Variants in TBCK observed in about 807,000 individuals in gnomAD.
TBCK encodes the protein TBC1 domain containing kinase.
A neutral mutation model predicts 113.4 loss-of-function variants in TBCK; 99 were observed. The ratio of observed to expected loss-of-function variants is 0.87; its 90% CI spans 0.74 to 1.03. The LOEUF (loss-of-function observed/expected upper bound fraction) is 1.03, where lower values mean the gene tolerates loss of function less well. TBCK is among the 50% of genes least tolerant of loss of function. The pLI is 0.00. For synonymous variants in TBCK, 369 were observed against 370.8 expected (o/e 1.00, Z 0.05); for missense variants, 1,045 against 1,061.3 (o/e 0.98, Z 0.21).
chr4:106,306,720 T>C (rs1245943718), intron 2 of TBCK, among the ~76,000 whole-genome samples: 2 of 152,156 alleles, frequency 1.3e-5, no homozygotes, highest in Non-Finnish European at 2.9e-5. Flanking sequence ...TACTTTTGCT[T>C]CAAAGCTAGG....
At chr4:106,077,291 G>A (rs10030019) in intron 25 of TBCK, among the ~76,000 whole-genome samples, 48,771 of 152,012 alleles carry the variant, frequency 0.32, 8,024 homozygotes, top group African/African-American at 0.37. Context: ...AGCTAAAAGC[G>A]TGATGATAAG....
At chr4:106,279,361 G>T (rs1202110626) in intron 3 of TBCK, among the ~76,000 whole-genome samples, 1 of 151,978 alleles carries the variant, frequency 6.6e-6, no homozygotes, top group African/African-American at 2.4e-5. Context: ...TGTGGTACAT[G>T]ATATATTCTG....
intron 24 of TBCK, among the ~76,000 whole-genome samples, chr4:106,113,651 C>A (rs955715637): frequency 6.6e-6 from 1 of 152,118 alleles, no homozygotes. Flanking sequence ...GACCTACAGC[C>A]CCAGAAAATG....
intron 23 of TBCK, among the ~76,000 whole-genome samples, chr4:106,131,944 G>A (rs180783267): frequency 1.8e-4 from 27 of 152,332 alleles, no homozygotes; most frequent in Non-Finnish European, 2.4e-4. Context: ...CTGCACTAGA[G>A]ATCTGTGGAA....
intron 23 of TBCK, among the ~76,000 whole-genome samples, chr4:106,120,995 G>A (rs1256510633): frequency 6.6e-6 from 1 of 152,102 alleles, no homozygotes; most frequent in Non-Finnish European, 1.5e-5. Flanking sequence ...AGAGAAGAAG[G>A]CTTCAGACGA....
At chr4:106,154,677 T>C (rs1423638903) in intron 23 of TBCK, among the ~76,000 whole-genome samples, 2 of 152,314 alleles carry the variant, frequency 1.3e-5, no homozygotes, top group African/African-American at 4.8e-5. Flanking sequence ...CACTTTGCCT[T>C]CTGCCATGAG....
At chr4:106,276,587 T>A (rs531485850) in intron 3 of TBCK, among the ~76,000 whole-genome samples, 40 of 152,170 alleles carry the variant, frequency 2.6e-4, no homozygotes, top group African/African-American at 8.9e-4. Flanking sequence ...TCAAAATATA[T>A]CTTTAAAAAA....
chr4:106,109,952 C>T lies in TBCK; in HGVS notation c.2411+6251G>A, dbSNP rs145969587. Among the ~76,000 whole-genome samples the T allele has an allele frequency of 1.6e-3, 243 of 152,254 alleles. 1 individual carries two copies. The highest frequency in any genetic ancestry group is 5.5e-3 in the African/African-American group (227 of 41,542). On this transcript the variant is annotated intron_variant, in intron 24 of 25. Transcript: ENST00000394708. ...GCATTTGGCTGAAGGCAGCCAAACCCTCTTATCCGGAGCCCGAGAGCGAAG... is the reference window on the plus strand; with the variant it reads ...GCATTTGGCTGAAGGCAGCCAAACCTTCTTATCCGGAGCCCGAGAGCGAAG...
At chr4:106,304,353 C>T (rs1277342672) in intron 2 of TBCK, among the ~76,000 whole-genome samples, 2 of 152,130 alleles carry the variant, frequency 1.3e-5, no homozygotes, top group African/African-American at 4.8e-5. Context: ...TAACAACAGA[C>T]ATAAGATCAG....
At chr4:106,309,871 C>T (rs909571946) in intron 1 of TBCK, 2 of 152,112 alleles carry the variant, frequency 1.3e-5, no homozygotes, top group Admixed American at 1.3e-4. Flanking sequence ...CTATTGGCTC[C>T]AGTTTAGAGA....
chr4:106,226,496 A>G (rs1579314419), intron 19 of TBCK, among the ~76,000 whole-genome samples: 2 of 152,172 alleles, frequency 1.3e-5, no homozygotes, highest in Admixed American at 6.5e-5. Context: ...TCATCTTTCT[A>G]AAGTATAGAA....
chr4:106,289,487 T>A (rs1289470487), intron 3 of TBCK, among the ~76,000 whole-genome samples: 1 of 152,090 alleles, frequency 6.6e-6, no homozygotes, highest in Non-Finnish European at 1.5e-5. Flanking sequence ...AGACAATTGA[T>A]CAGCCAGGCG....
intron 3 of TBCK, among the ~76,000 whole-genome samples, chr4:106,289,755 G>T (rs1322029885): frequency 6.8e-6 from 1 of 146,484 alleles, no homozygotes; most frequent in Non-Finnish European, 1.5e-5. Context: ...GTGACAGAGC[G>T]AGACTCTGTC....
At chr4:106,167,091 T>G (rs997778365) in intron 23 of TBCK, among the ~76,000 whole-genome samples, 12 of 146,670 alleles carry the variant, frequency 8.2e-5, no homozygotes, top group South Asian at 2.2e-4. Flanking sequence ...TATATAGGGG[T>G]GTGTGTGTGT....
At chr4:106,084,580 C>G (rs1188608823) in intron 25 of TBCK, among the ~76,000 whole-genome samples, 1 of 152,082 alleles carries the variant, frequency 6.6e-6, no homozygotes, top group Non-Finnish European at 1.5e-5. Flanking sequence ...TCAGGAAATA[C>G]AGAGAACACC....
chr4:106,231,707 T>C lies in TBCK; in HGVS notation c.1690+22A>G, dbSNP rs369187068. 1.3e-5 allele frequency: 20 copies of C among 1,592,348 alleles called. No homozygotes were observed. The African/African-American group carries it at 2.3e-4, about 18-fold the overall frequency. On this transcript the variant is annotated intron_variant, in intron 18 of 25. Transcript: ENST00000394708. The stretch of plus-strand genomic sequence containing the variant: ...TTTAGAATATTATGCGCAATGATTA[T>C]TTAAATGTTAAAGAGGCTTACCTTC...
At position 106,116,330 on chromosome 4, in the gene TBCK, G is replaced by A. The variant is rs748323368; in HGVS notation, c.2284C>T (p.Arg762Trp). 2.6e-5 allele frequency: 42 copies of A among 1,613,390 alleles called. No individual in the cohort carries two copies. In the East Asian group the frequency reaches 5.6e-4, roughly 21 times the overall value. ...TCAATCAGGTCCTCTGCTGAAATCCGTGGTGATACTTCTGACTTCAGGTCA... is the reference window on the plus strand; with the variant it reads ...TCAATCAGGTCCTCTGCTGAAATCCATGGTGATACTTCTGACTTCAGGTCA... ...LNDLKSEVSPRISAEDLIDLC... is the reference protein window; with the variant it reads ...LNDLKSEVSPWISAEDLIDLC... Residue 762 changes from arginine to tryptophan, a missense_variant, in exon 24 of 26, where the codon CGG becomes TGG. Physicochemically the swap from Arg to Trp is moderately radical, Grantham distance 101 (BLOSUM62 -3). Coordinates refer to ENST00000394708, the MANE Select transcript of TBCK (RefSeq NM_001163435.3).
At chr4:106,201,065 A>C (rs1754834063) in intron 20 of TBCK, among the ~76,000 whole-genome samples, 1 of 152,020 alleles carries the variant, frequency 6.6e-6, no homozygotes, top group East Asian at 1.9e-4. Flanking sequence ...TATTTAAAAT[A>C]AGCAAAACAA....
In TBCK at chr4:106,243,369, A is replaced by G. The variant is rs547380356; in HGVS notation, c.1071-800T>C. On this transcript the variant is annotated intron_variant, in intron 11 of 25. Coordinates refer to ENST00000394708, the MANE Select transcript of TBCK (RefSeq NM_001163435.3). ...GAAAGAAAAAGCATATTGGATAGTA[A>G]CCTCATAGAAGAAAGGATATTAAAT... Among the ~76,000 whole-genome samples, 167 of 152,276 alleles carry G rather than the reference A, an allele frequency of 1.1e-3. No homozygotes were observed. In the Middle Eastern group the frequency reaches 0.014, roughly 12 times the overall value.
Sources: allele counts gnomAD v4.1 joint callset (sites outside exome capture counted in the v4.1 genomes callset), GRCh38; gene constraint gnomAD v4.1.1; transcripts MANE v1.5; gene names NCBI Gene and HGNC (gene_info 2026-07-23, HGNC 2026-07-21).